Variants in KCNQ5 observed in about 807,000 individuals in gnomAD.
The protein encoded by KCNQ5 is potassium voltage-gated channel subfamily Q member 5, also known as potassium voltage-gated channel subfamily KQT member 5.
In KCNQ5, 30 loss-of-function variants were observed where a neutral mutation model predicts 98.2. The ratio of observed to expected loss-of-function variants is 0.31; its 90% CI spans 0.23 to 0.41. The LOEUF (loss-of-function observed/expected upper bound fraction) is 0.41. Ranked by LOEUF, KCNQ5 falls within the 10% of genes least tolerant of loss-of-function variation. The probability of loss-of-function intolerance (pLI) is 1.00; values close to 1 mark genes in which losing one functional copy is unlikely to be tolerated. For missense variants in KCNQ5, 835 were observed against 1,182.5 expected (o/e 0.71, Z 4.31); for synonymous variants, 458 against 449.4 (o/e 1.02, Z -0.24).
intron 7 of KCNQ5, among the ~76,000 whole-genome samples, chr6:73,117,102 T>G (rs115372435): frequency 6.6e-6 from 1 of 152,362 alleles, no homozygotes; most frequent in African/African-American, 2.4e-5. Context: ...GTCCTTTGAA[T>G]TGTATACACC....
chr6:72,958,481 C>T (rs539332466), intron 1 of KCNQ5, among the ~76,000 whole-genome samples: 2 of 152,328 alleles, frequency 1.3e-5, no homozygotes, highest in African/African-American at 4.8e-5. Flanking sequence ...ATCACAGCCA[C>T]TCCCTTCATC....
At chr6:72,902,862 A>T (rs1234512775) in intron 1 of KCNQ5, among the ~76,000 whole-genome samples, 1 of 152,174 alleles carries the variant, frequency 6.6e-6, no homozygotes, top group Non-Finnish European at 1.5e-5. Flanking sequence ...TCATAGAATG[A>T]TGTAGGGAGG....
intron 3 of KCNQ5, among the ~76,000 whole-genome samples, chr6:73,049,383 G>C (rs950990178): frequency 1.2e-4 from 19 of 152,286 alleles, no homozygotes; most frequent in African/African-American, 4.6e-4. Context: ...AGCTTATAAA[G>C]CAGCACCATG....
At chr6:72,996,787 G>T (rs1769321825) in intron 1 of KCNQ5, among the ~76,000 whole-genome samples, 1 of 152,142 alleles carries the variant, frequency 6.6e-6, no homozygotes, top group Non-Finnish European at 1.5e-5. Flanking sequence ...CCCACTTTGA[G>T]GGATGTAACA....
chr6:73,149,980 A>G (rs1245942566), intron 10 of KCNQ5, among the ~76,000 whole-genome samples: 1 of 149,752 alleles, frequency 6.7e-6, no homozygotes, highest in African/African-American at 2.5e-5. Flanking sequence ...ATTAGAATAT[A>G]TAAAGAACCC....
chr6:73,070,460 A>G (rs1010498353), intron 3 of KCNQ5, among the ~76,000 whole-genome samples: 1 of 152,200 alleles, frequency 6.6e-6, no homozygotes. Context: ...CTTAGTTATT[A>G]TATAAATCTC....
chr6:72,826,223 A>G (rs533134434), intron 1 of KCNQ5, among the ~76,000 whole-genome samples: 13 of 152,294 alleles, frequency 8.5e-5, no homozygotes, highest in African/African-American at 3.1e-4. Context: ...CATGAGGAAT[A>G]CTTTAGTCAC....
intron 2 of KCNQ5, among the ~76,000 whole-genome samples, chr6:73,023,760 A>C (rs946433987): frequency 4.7e-4 from 72 of 152,314 alleles, no homozygotes; most frequent in African/African-American, 1.6e-3. Context: ...GATGGAAGCA[A>C]AATTGGGGAT....
intron 1 of KCNQ5, among the ~76,000 whole-genome samples, chr6:72,842,744 G>A (rs1028509374): frequency 2.6e-5 from 4 of 152,100 alleles, no homozygotes; most frequent in African/African-American, 9.7e-5. Context: ...TAGTGATGCT[G>A]ACCTTTTTTT....
chr6:72,927,232 G>C (rs949257554), intron 1 of KCNQ5, among the ~76,000 whole-genome samples: 1 of 152,110 alleles, frequency 6.6e-6, no homozygotes, highest in Non-Finnish European at 1.5e-5. Context: ...TTTACAACCC[G>C]AATTCTGTAG....
intron 2 of KCNQ5, among the ~76,000 whole-genome samples, chr6:73,039,861 G>T (rs1771610680): frequency 6.6e-6 from 1 of 152,144 alleles, no homozygotes; most frequent in Non-Finnish European, 1.5e-5. Context: ...TCACATACTT[G>T]TTAATTTTCA....
chr6:72,804,492 A>T (rs968107796), intron 1 of KCNQ5, among the ~76,000 whole-genome samples: 1 of 152,062 alleles, frequency 6.6e-6, no homozygotes, highest in African/African-American at 2.4e-5. Flanking sequence ...TGTTGTTGCA[A>T]ATGACAGAAT....
Position 72,657,279 on chromosome 6 carries a change from C to T in KCNQ5, c.398+34692C>T, listed in dbSNP as rs562081686. Among the ~76,000 whole-genome samples the T allele has an allele frequency of 5.3e-4, 81 of 152,126 alleles. 1 individual carries two copies. The highest frequency in any genetic ancestry group is 1.9e-3 in the African/African-American group (77 of 41,514). On this transcript the variant is annotated intron_variant, in intron 1 of 13. Transcript: ENST00000370398. ...TAAAATGATGGCATGGGAGACCACT[C>T]ACATTTCACAAATTTGTTTTAGCCT...
intron 1 of KCNQ5, among the ~76,000 whole-genome samples, chr6:72,738,165 A>T (rs995385763): frequency 1.4e-5 from 2 of 145,582 alleles, no homozygotes; most frequent in African/African-American, 2.7e-5. Flanking sequence ...AAAAAAAAAA[A>T]TTTGTTACTT....
intron 5 of KCNQ5, among the ~76,000 whole-genome samples, chr6:73,089,478 G>A (rs947018445): frequency 3.3e-5 from 5 of 151,998 alleles, no homozygotes; most frequent in African/African-American, 9.7e-5. Context: ...GTTCTTTCAC[G>A]GTGAGTTGTG....
chr6:72,841,452 G>T (rs1562018248), intron 1 of KCNQ5, among the ~76,000 whole-genome samples: 1 of 152,138 alleles, frequency 6.6e-6, no homozygotes, highest in African/African-American at 2.4e-5. Context: ...GTTGCAAAAT[G>T]CTTAGGATAT....
chr6:73,057,418 A>G (rs962571003), intron 3 of KCNQ5, among the ~76,000 whole-genome samples: 4 of 152,200 alleles, frequency 2.6e-5, no homozygotes, highest in African/African-American at 4.8e-5. Context: ...AACATGGCAC[A>G]TGTATACATG....
intron 1 of KCNQ5, among the ~76,000 whole-genome samples, chr6:72,750,803 G>A (rs1029720351): frequency 1.3e-5 from 2 of 151,988 alleles, no homozygotes; most frequent in African/African-American, 4.8e-5. Context: ...GGTACTAACA[G>A]GGTGTAATTT....
intron 1 of KCNQ5, among the ~76,000 whole-genome samples, chr6:72,798,525 G>A (rs1774461682): frequency 6.6e-6 from 1 of 152,168 alleles, no homozygotes; most frequent in South Asian, 2.1e-4. Flanking sequence ...GGACAATGCA[G>A]CAAGAAAGCA....
Sources: gnomAD v4.1 joint callset for allele counts (sites outside exome capture counted in the v4.1 genomes callset) on GRCh38, gnomAD v4.1.1 for gene constraint, MANE v1.5 for transcripts, NCBI Gene and HGNC (gene_info 2026-07-23, HGNC 2026-07-21) for gene names.